ZNF248: variants seen among roughly 807,000 people sequenced by gnomAD.
The protein encoded by ZNF248 is KRAB protein domain.
A neutral mutation model predicts 44.3 loss-of-function variants in ZNF248; 20 were observed. The observed-to-expected ratio is 0.45, with a 90% CI of 0.32 to 0.66. ZNF248 has a LOEUF of 0.66. Ranked by LOEUF, ZNF248 falls within the 30% of genes least tolerant of loss-of-function variation. The pLI is 0.04. For synonymous variants in ZNF248, 224 were observed against 229.0 expected (o/e 0.98, Z 0.20); for missense variants, 654 against 677.0 (o/e 0.97, Z 0.38).
At position 37,828,870 on chromosome 10, in the gene ZNF248, T is replaced by C. The variant is rs547304884; in HGVS notation, c.*2745A>G. On this transcript the variant is annotated 3_prime_UTR_variant, in exon 6 of 6. Transcript: ENST00000395867. ...GTATGAATAATGTAATTTAATATAA[T>C]GTCTGCTTCACACATGTTGAAGGAG... 3 of 985,222 alleles carry C rather than the reference T, an allele frequency of 3.0e-6. No homozygotes were observed. In the African/African-American group the frequency reaches 5.2e-5, roughly 17 times the overall value. The allele number at this position is 985,222 out of a possible 1,614,324, so 61.0% of individuals were successfully genotyped here. A position where few individuals can be genotyped will look rare whatever the true frequency, so the allele number is the denominator to read the frequency against.
the ZNF248 span, among the ~76,000 whole-genome samples, chr10:37,762,956 G>T: frequency 6.6e-6 from 1 of 152,078 alleles, no homozygotes. Flanking sequence ...TTAAAAAAAT[G>T]TGTGTCTAAC....
chr10:37,825,908 A>G (rs952623384), downstream of ZNF248, among the ~76,000 whole-genome samples: 3 of 151,678 alleles, frequency 2.0e-5, no homozygotes, highest in East Asian at 3.9e-4. Flanking sequence ...AAAAAAAAAA[A>G]AGGGGGGGAG....
intron 5 of ZNF248, among the ~76,000 whole-genome samples, chr10:37,837,178 A>G (rs1014016767): frequency 6.6e-6 from 1 of 151,930 alleles, no homozygotes; most frequent in African/African-American, 2.4e-5. Context: ...CAGTGGCACA[A>G]TCTCGGCTCA....
intron 6 of ZNF248, among the ~76,000 whole-genome samples, chr10:37,812,867 T>C (rs561648626): frequency 3.9e-5 from 6 of 152,248 alleles, no homozygotes; most frequent in Middle Eastern, 3.4e-3. Flanking sequence ...GCACTGAAGA[T>C]GGCGTGACTG....
chr10:37,816,209 G>A (rs2052433385), intron 6 of ZNF248, among the ~76,000 whole-genome samples: 1 of 152,178 alleles, frequency 6.6e-6, no homozygotes, highest in African/African-American at 2.4e-5. Context: ...CATCTCTCCA[G>A]TGAATAAGGG....
chr10:37,788,914 C>T (rs990943828), intron 6 of ZNF248, among the ~76,000 whole-genome samples: 1 of 151,880 alleles, frequency 6.6e-6, no homozygotes, highest in African/African-American at 2.4e-5. Context: ...CTTTGTCTCC[C>T]AGGCTGGAGT....
the ZNF248 span, among the ~76,000 whole-genome samples, chr10:37,765,445 AG>A: frequency 2.6e-5 from 4 of 152,234 alleles, no homozygotes; most frequent in Admixed American, 2.6e-4. Context: ...ATGTATTTCC[AG>A]GTGGTCCACA....
At chr10:37,823,367 ATAAC>A (rs1564538852) in intron 6 of ZNF248, among the ~76,000 whole-genome samples, 1 of 147,300 alleles carries the variant, frequency 6.8e-6, no homozygotes, top group African/African-American at 2.6e-5. Context: ...AAAAAAGCAA[ATAAC>A]AACAGGAACT....
chr10:37,760,198 T>C, the ZNF248 span, among the ~76,000 whole-genome samples: 1 of 152,158 alleles, frequency 6.6e-6, no homozygotes, highest in Admixed American at 6.5e-5. Flanking sequence ...ATGGGGGGAA[T>C]AACTTCAAGA....
At chr10:37,808,736 C>T (rs1351418859) in intron 6 of ZNF248, among the ~76,000 whole-genome samples, 1 of 152,130 alleles carries the variant, frequency 6.6e-6, no homozygotes, top group East Asian at 1.9e-4. Flanking sequence ...ACTAACCTCA[C>T]AGAACAAATT....
chr10:37,781,558 T>G (rs530986486), intron 6 of ZNF248, among the ~76,000 whole-genome samples: 1 of 151,174 alleles, frequency 6.6e-6, no homozygotes, highest in Non-Finnish European at 1.5e-5. Context: ...GTACACCCCT[T>G]AGCCGTTAAT....
chr10:37,771,141 T>C, the ZNF248 span, among the ~76,000 whole-genome samples: 1 of 152,142 alleles, frequency 6.6e-6, no homozygotes. Flanking sequence ...GGAGAAGATG[T>C]GGAGAAATAG....
chr10:37,832,877 A>C lies in ZNF248; in HGVS notation c.478T>G (p.Cys160Gly). 1 of 1,613,588 alleles carries C rather than the reference A, an allele frequency of 6.2e-7. No individual in the cohort carries two copies. Among genetic ancestry groups the C allele is most frequent in the South Asian group, 1.1e-5 (1 of 91,020 alleles). ...AACTCATCAGGCTTCTTTCTGGAAC[A>C]GTTCTTTTTACTAATAATTAAGCCC... ...ISGLIISKKN[C>G]SRKKPDEFNV... Residue 160 changes from cysteine to glycine, a missense_variant, in exon 6 of 6, where the codon TGT becomes GGT. Cys to Gly is a radical substitution (Grantham distance 159). Transcript: ENST00000395867.
chr10:37,796,913 G>C (rs1176377304), intron 6 of ZNF248, among the ~76,000 whole-genome samples: 1 of 151,648 alleles, frequency 6.6e-6, no homozygotes, highest in Non-Finnish European at 1.5e-5. Flanking sequence ...TTATAAGCAA[G>C]GTGAGAAAAA....
chr10:37,856,587 A>C, intron 1 of ZNF248, 55 bp from the exon 2 acceptor site: 1 of 1,123,452 alleles, frequency 8.9e-7, no homozygotes, highest in Non-Finnish European at 1.1e-6. Context: ...AGTTAACAGT[A>C]ATCTGAAGGA....
rs1429575347 is a variant in ZNF248, at chr10:37,832,178, A to G, written c.1177T>C (p.Ser393Pro). Residue 393 changes from serine (S) to proline (P), a missense_variant, in exon 6 of 6, where the codon TCA becomes CCA. Transcript: ENST00000395867. ...GECGKTFWEKSNLTQHQRTHT... is the reference protein window; with the variant it reads ...GECGKTFWEKPNLTQHQRTHT... The stretch of plus-strand genomic sequence containing the variant: ...GTTCTCTGATGTTGAGTGAGGTTTG[A>G]CTTCTCCCAGAAGGTTTTCCCACAT... 1 of 1,613,842 alleles carries G rather than the reference A, an allele frequency of 6.2e-7. No individual in the cohort carries two copies. Among genetic ancestry groups the G allele is most frequent in the Non-Finnish European group, 8.5e-7 (1 of 1,179,962 alleles).
At chr10:37,763,043 C>T in the ZNF248 span, among the ~76,000 whole-genome samples, 51 of 152,070 alleles carry the variant, frequency 3.4e-4, no homozygotes, top group African/African-American at 8.9e-4. Context: ...TGCCAGGAAA[C>T]GGTAGAGGAA....
At chr10:37,848,647 A>T (rs2059718047) in intron 3 of ZNF248, among the ~76,000 whole-genome samples, 1 of 152,102 alleles carries the variant, frequency 6.6e-6, no homozygotes, top group Admixed American at 6.6e-5. Flanking sequence ...CATTTTGAGT[A>T]ATTTCTGAAA....
chr10:37,852,577 A>C lies in ZNF248; in HGVS notation c.15+3719T>G, dbSNP rs1010568673. Among the ~76,000 whole-genome samples, 3 of 150,340 alleles carry C rather than the reference A, an allele frequency of 2.0e-5. No homozygotes were observed. In the East Asian group the frequency reaches 6.0e-4, roughly 30 times the overall value. On this transcript the variant is annotated intron_variant, in intron 3 of 5. Coordinates refer to ENST00000395867, the MANE Select transcript of ZNF248 (RefSeq NM_021045.3). Reference sequence around the variant, plus strand: ...TAATTCAGCTATTCTGTAGTGGATAAACGAATCTAATTTGTCACTGCACTC... The same window carrying C: ...TAATTCAGCTATTCTGTAGTGGATACACGAATCTAATTTGTCACTGCACTC...
Sources: allele counts gnomAD v4.1 joint callset (sites outside exome capture counted in the v4.1 genomes callset), GRCh38; gene constraint gnomAD v4.1.1; transcripts MANE v1.5; gene names NCBI Gene and HGNC (gene_info 2026-07-23, HGNC 2026-07-21).